The following PCDHA2 variants were observed in gnomAD, a reference collection of about 807,000 sequenced individuals.
PCDHA2 encodes protocadherin alpha 2, also known as protocadherin alpha-2.
In PCDHA2, 58 loss-of-function variants were observed where a neutral mutation model predicts 66.0. The observed-to-expected ratio is 0.88, with a 90% confidence interval of 0.71 to 1.09. The LOEUF (loss-of-function observed/expected upper bound fraction) is 1.09. Ranked by LOEUF, PCDHA2 falls within the 50% of genes least tolerant of loss-of-function variation. The pLI is 0.00. For synonymous variants in PCDHA2, 634 were observed against 554.0 expected (o/e 1.14, Z -2.03); for missense variants, 1,267 against 1,242.3 (o/e 1.02, Z -0.30).
chr5:140,845,035 G>GC (rs1258686768), intron 1 of PCDHA2, among the ~76,000 whole-genome samples: 16 of 149,032 alleles, frequency 1.1e-4, no homozygotes, highest in African/African-American at 3.7e-4. Flanking sequence ...GCATATTTTA[G>GC]CCCCCTTGTC....
chr5:140,875,335 C>T (rs1380813312), intron 1 of PCDHA2: 3 of 1,438,650 alleles, frequency 2.1e-6, no homozygotes, highest in African/African-American at 2.9e-5. Context: ...GGAATAGGAT[C>T]GACTCCATAA....
chr5:140,904,555 C>CT (rs569725486), intron 1 of PCDHA2, among the ~76,000 whole-genome samples: 13 of 151,744 alleles, frequency 8.6e-5, no homozygotes, highest in Middle Eastern at 3.4e-3. Flanking sequence ...CATATAATGA[C>CT]TTTTTTTTCC....
At chr5:140,960,444 T>C in intron 1 of PCDHA2, among the ~76,000 whole-genome samples, 1 of 152,022 alleles carries the variant, frequency 6.6e-6, no homozygotes, top group Non-Finnish European at 1.5e-5. Context: ...TAGATATATG[T>C]ATGGATAATT....
intron 1 of PCDHA2, chr5:140,803,301 G>C: frequency 6.2e-7 from 1 of 1,614,112 alleles, no homozygotes; most frequent in South Asian, 1.1e-5. Flanking sequence ...GTACTTGATC[G>C]TCGCCATCTG....
intron 1 of PCDHA2, chr5:140,809,041 G>A (rs185992398): frequency 2.4e-5 from 38 of 1,613,844 alleles, no homozygotes; most frequent in Non-Finnish European, 3.1e-5. Flanking sequence ...CTGGTGGCGC[G>A]CGCATCCCGT....
chr5:140,797,308 T>C lies in PCDHA2; in HGVS notation c.2344T>C (p.Ser782Pro). 1 of 1,614,172 alleles carries C rather than the reference T, an allele frequency of 6.2e-7. No individual in the cohort carries two copies. The highest frequency in any genetic ancestry group is 8.5e-7 in the Non-Finnish European group (1 of 1,180,038). ...FSPSLSQGPDSAEEKQLSESE... is the reference protein window; with the variant it reads ...FSPSLSQGPDPAEEKQLSESE... ...CCCTAGCTTATCTCAAGGTCCAGAC[T>C]CCGCAGAAGAGAAACAGCTCTCAGA... The change falls in exon 1 of 4, where the codon TCC becomes CCC. Residue 782 changes from serine to proline, a missense_variant. Coordinates refer to ENST00000526136, the MANE Select transcript of PCDHA2 (RefSeq NM_018905.3).
chr5:140,863,178 C>G (rs1420894530), intron 1 of PCDHA2: 3 of 736,630 alleles, frequency 4.1e-6, no homozygotes, highest in African/African-American at 3.6e-5. Flanking sequence ...TGACTGCCAC[C>G]GTCACCGTGG....
Position 140,828,012 on chromosome 5 carries a change from A to G in PCDHA2, c.2388+30660A>G, listed in dbSNP as rs1183696276. On this transcript the variant is annotated intron_variant, in intron 1 of 3. Transcript: ENST00000526136. ...ATGATGGCGGACGCAGAAGAAATGG[A>G]TTAATAAATTCCGGAACATACAGTA... is the stretch of plus-strand genomic sequence containing the variant. 4.0e-6 allele frequency: 6 copies of G among 1,508,934 alleles called. No homozygotes were observed. The East Asian group carries it at 1.4e-4, about 34-fold the overall frequency. The allele number at this position is 1,508,934 out of a possible 1,614,324, so 93.5% of individuals were successfully genotyped here. A position where few individuals can be genotyped will look rare whatever the true frequency, so the allele number is the denominator to read the frequency against.
intron 1 of PCDHA2, chr5:140,856,360 C>G: frequency 6.3e-7 from 1 of 1,598,550 alleles, no homozygotes; most frequent in Non-Finnish European, 8.6e-7. Flanking sequence ...GCAGCATCCA[C>G]CTGGAGGTGA....
At chr5:140,842,190 T>C (rs2150331409) in intron 1 of PCDHA2, 1 of 1,613,858 alleles carries the variant, frequency 6.2e-7, no homozygotes, top group East Asian at 2.2e-5. Context: ...ACTATGGTTA[T>C]TGACCACTTT....
chr5:140,891,040 C>A (rs2062916193), intron 1 of PCDHA2, among the ~76,000 whole-genome samples: 1 of 145,080 alleles, frequency 6.9e-6, no homozygotes, highest in Admixed American at 6.6e-5. Context: ...TTAGGTGTGA[C>A]CCCCACAGCA....
intron 3 of PCDHA2, among the ~76,000 whole-genome samples, chr5:140,988,599 G>A (rs782117836): frequency 6.6e-6 from 1 of 152,154 alleles, no homozygotes; most frequent in Non-Finnish European, 1.5e-5. Flanking sequence ...TAATGGTCAT[G>A]TAAATAAAAG....
chr5:140,882,209 A>T, intron 1 of PCDHA2: 1 of 1,531,724 alleles, frequency 6.5e-7, no homozygotes, highest in Non-Finnish European at 8.8e-7. Context: ...GCCTTGAGAG[A>T]CAGTTTGAGG....
chr5:140,882,261 AGTGTACCATGCT>A (rs1554173264), intron 1 of PCDHA2: 1 of 1,604,356 alleles, frequency 6.2e-7, no homozygotes, highest in Non-Finnish European at 8.5e-7. Flanking sequence ...AGGTTTTTGG[AGTGTACCATGCT>A]GTCTTCCTGG....
At chr5:140,862,665 G>A (rs1437192786) in intron 1 of PCDHA2, 12 of 547,492 alleles carry the variant, frequency 2.2e-5, no homozygotes, top group Admixed American at 9.6e-5. Flanking sequence ...ACCGGGACGC[G>A]CAGGAGAACG....
intron 1 of PCDHA2, among the ~76,000 whole-genome samples, chr5:140,932,100 CTG>C (rs2088033860): frequency 6.6e-6 from 1 of 151,792 alleles, no homozygotes; most frequent in African/African-American, 2.4e-5. Context: ...GTTTTTATCT[CTG>C]TATTTCCAAT....
chr5:140,970,157 C>T (rs2096386547), intron 1 of PCDHA2, among the ~76,000 whole-genome samples: 2 of 152,176 alleles, frequency 1.3e-5, no homozygotes, highest in African/African-American at 4.8e-5. Context: ...TCCCAATAGT[C>T]ACCTTTCTTG....
intron 1 of PCDHA2, chr5:140,870,890 T>C: frequency 6.2e-7 from 1 of 1,613,954 alleles, no homozygotes; most frequent in Non-Finnish European, 8.5e-7. Flanking sequence ...GTGCGCGCAG[T>C]GGATGCGGAC....
At chr5:140,877,198 G>C (rs781787046) in intron 1 of PCDHA2, 26 of 1,613,712 alleles carry the variant, frequency 1.6e-5, no homozygotes, top group Non-Finnish European at 2.2e-5. Flanking sequence ...CGCAGGAGGC[G>C]CAGTTAGCGA....
Sources: gnomAD v4.1 joint callset for allele counts (sites outside exome capture counted in the v4.1 genomes callset) on GRCh38, gnomAD v4.1.1 for gene constraint, MANE v1.5 for transcripts, NCBI Gene and HGNC (gene_info 2026-07-23, HGNC 2026-07-21) for gene names.